The following NUP188 variants were observed in gnomAD, a reference collection of about 807,000 sequenced individuals.
NUP188 encodes nucleoporin NUP188.
In NUP188, 97 loss-of-function variants were observed where a neutral mutation model predicts 223.0. That is an observed-to-expected ratio of 0.43 (90% CI 0.37 to 0.51). The LOEUF (loss-of-function observed/expected upper bound fraction) is 0.51, where lower values mean the gene tolerates loss of function less well. Ranked by LOEUF, NUP188 falls within the 20% of genes least tolerant of loss-of-function variation. The pLI is 0.00. For synonymous variants in NUP188, 869 were observed against 828.0 expected (o/e 1.05, Z -0.85); for missense variants, 1,947 against 2,175.6 (o/e 0.89, Z 2.09).
At chr9:129,004,761 CA>C in intron 38 of NUP188, 1 of 204,020 alleles carries the variant, frequency 4.9e-6, no homozygotes, top group East Asian at 1.2e-4. Flanking sequence ...GCCTCGACCT[CA>C]AAAGTGCTGG....
At chr9:128,998,069 G>A (rs1451082536) in intron 30 of NUP188, 82 bp from the exon 31 acceptor site, 2 of 928,274 alleles carry the variant, frequency 2.2e-6, no homozygotes, top group Non-Finnish European at 3.6e-6. Flanking sequence ...ATGACTAATT[G>A]CCTAGCAGAG....
At chr9:128,957,136 G>A in intron 5 of NUP188, 104 bp downstream of exon 5, 1 of 728,682 alleles carries the variant, frequency 1.4e-6, no homozygotes, top group Non-Finnish European at 2.3e-6. Flanking sequence ...GGTGGTAGGT[G>A]ATCAGGTACC....
chr9:128,981,678 C>T (rs17508027), intron 15 of NUP188, among the ~76,000 whole-genome samples: 3,038 of 152,294 alleles, frequency 0.02, 109 homozygotes, highest in African/African-American at 0.069. Context: ...CCACTGACTT[C>T]TCCAGTCATC....
At chr9:128,964,479 A>AGCC (rs1257868262) in intron 8 of NUP188, among the ~76,000 whole-genome samples, 1 of 151,344 alleles carries the variant, frequency 6.6e-6, no homozygotes, top group Non-Finnish European at 1.5e-5. Context: ...CTCCTGTCAC[A>AGCC]GCCCCACAAG....
At position 128,997,921 on chromosome 9, in the gene NUP188, G is replaced by A. The variant is rs377288974; in HGVS notation, c.3352-230G>A. On this transcript the variant is annotated intron_variant, in intron 30 of 43. Transcript: ENST00000372577. Reference sequence around the variant, plus strand: ...TTTTTAGTAGAGACAGGGTTCCACCGTGTTGGCCAGGATGGTCTTGATCTC... The same window carrying A: ...TTTTTAGTAGAGACAGGGTTCCACCATGTTGGCCAGGATGGTCTTGATCTC... 2.7e-4 allele frequency among the ~76,000 whole-genome samples: 41 copies of A among 151,432 alleles called. No individual in the cohort carries two copies. In the East Asian group the frequency reaches 7.7e-3, roughly 28 times the overall value.
At chr9:128,977,310 C>T (rs890095244) in intron 12 of NUP188, among the ~76,000 whole-genome samples, 6 of 151,590 alleles carry the variant, frequency 4.0e-5, no homozygotes, top group Non-Finnish European at 7.4e-5. Flanking sequence ...TTAGTAGAGA[C>T]GGGTTTCACC....
At chr9:128,949,919 CTTTTTTTTTT>C (rs35705253) in intron 2 of NUP188, among the ~76,000 whole-genome samples, 1 of 81,234 alleles carries the variant, frequency 1.2e-5, no homozygotes, top group African/African-American at 5.6e-5. Flanking sequence ...GTGACGGCCA[CTTTTTTTTTT>C]TTTTTTTTTT....
At chr9:129,000,790 G>A (rs1842639194) in intron 34 of NUP188, among the ~76,000 whole-genome samples, 2 of 151,716 alleles carry the variant, frequency 1.3e-5, no homozygotes, top group Admixed American at 6.6e-5. Flanking sequence ...TGTAATCCCA[G>A]CACTTTGGGA....
chr9:128,964,061 G>A (rs561518804), intron 8 of NUP188, among the ~76,000 whole-genome samples: 2 of 151,916 alleles, frequency 1.3e-5, no homozygotes, highest in African/African-American at 4.8e-5. Context: ...TGATCCACCC[G>A]CCTAGGCCTC....
intron 8 of NUP188, among the ~76,000 whole-genome samples, chr9:128,963,857 C>G (rs186055340): frequency 6.6e-6 from 1 of 151,632 alleles, no homozygotes; most frequent in Admixed American, 6.6e-5. Context: ...CACACTGTCG[C>G]CCAGGGTGGA....
intron 8 of NUP188, among the ~76,000 whole-genome samples, chr9:128,963,822 T>A (rs947944479): frequency 1.3e-5 from 2 of 151,408 alleles, no homozygotes; most frequent in African/African-American, 4.9e-5. Flanking sequence ...GGGTTTTTTT[T>A]TTTTTTATTT....
chr9:128,979,499 G>C (rs2131163928), intron 13 of NUP188, among the ~76,000 whole-genome samples, 172 bp downstream of exon 13: 1 of 152,316 alleles, frequency 6.6e-6, no homozygotes, highest in Middle Eastern at 3.4e-3. Flanking sequence ...ATGACACTTA[G>C]AGATGTGAAG....
intron 20 of NUP188, among the ~76,000 whole-genome samples, chr9:128,986,049 A>G (rs1223143353): frequency 6.6e-6 from 1 of 152,170 alleles, no homozygotes; most frequent in Non-Finnish European, 1.5e-5. Context: ...TGGGGGCGAA[A>G]AAAAAGATTG....
intron 3 of NUP188, among the ~76,000 whole-genome samples, chr9:128,953,311 A>T (rs1322334424): frequency 6.6e-6 from 1 of 152,230 alleles, no homozygotes; most frequent in East Asian, 1.9e-4. Context: ...CTTTGGGTGA[A>T]TATATAGATC....
At chr9:128,998,975 A>T (rs567700837) in intron 32 of NUP188, among the ~76,000 whole-genome samples, 197 bp from the exon 33 acceptor site, 1 of 150,044 alleles carries the variant, frequency 6.7e-6, no homozygotes, top group East Asian at 2.0e-4. Flanking sequence ...TCGTGCCTCA[A>T]CCTCCCTAGT....
intron 9 of NUP188, among the ~76,000 whole-genome samples, 185 bp from the exon 10 acceptor site, chr9:128,969,215 T>C (rs1842072072): frequency 6.6e-6 from 1 of 152,192 alleles, no homozygotes. Flanking sequence ...TCCAAGATAG[T>C]CTTGAACTCC....
In NUP188 at chr9:129,006,223, CTG is replaced by C. The variant is rs1318955060; in HGVS notation, c.4944-12_4944-11del. On this transcript the variant is annotated splice_polypyrimidine_tract_variant and intron_variant, in intron 42 of 43. Transcript: ENST00000372577. The stretch of plus-strand genomic sequence containing the variant: ...GGCCCTCTGCAGCAGTACCAAAAAC[CTG>C]TGTCTCCTCCCAGGTCCCTCCTGAT... The C allele has an allele frequency of 6.2e-7, 1 of 1,614,194 alleles. No homozygotes were observed.
rs199583828 is a variant in NUP188, at chr9:128,973,290, C to G, written c.1203+41C>G. ...TCATGAAGCTGTCTCTACTGCCCAG[C>G]TTTGCAATCAAGTCCCAAAAATATA... is the stretch of plus-strand genomic sequence containing the variant. On this transcript the variant is annotated intron_variant, in intron 12 of 43. Transcript: ENST00000372577. The G allele has an allele frequency of 1.4e-5, 21 of 1,450,044 alleles. No homozygotes were observed. The African/African-American group carries it at 2.8e-4, about 19-fold the overall frequency. 89.8% of individuals were successfully genotyped at this position (1,450,044 alleles called of 1,614,324 possible). A position where few individuals can be genotyped will look rare whatever the true frequency, so the allele number is the denominator to read the frequency against.
At chr9:129,006,447 G>T (rs1842808674) in intron 43 of NUP188, 55 bp from the exon 44 acceptor site, 1 of 1,612,546 alleles carries the variant, frequency 6.2e-7, no homozygotes, top group Non-Finnish European at 8.5e-7. Flanking sequence ...ACCCCCAAGG[G>T]TCAGAACAGT....
Sources: gnomAD v4.1 joint callset for allele counts (sites outside exome capture counted in the v4.1 genomes callset) on GRCh38, gnomAD v4.1.1 for gene constraint, MANE v1.5 for transcripts, NCBI Gene and HGNC (gene_info 2026-07-23, HGNC 2026-07-21) for gene names.